Variants in DOLPP1 observed in about 807,000 individuals in gnomAD.
The protein encoded by DOLPP1 is dolichyldiphosphatase 1, also known as dolichyl pyrophosphate phosphatase 1.
A neutral mutation model predicts 34.1 loss-of-function variants in DOLPP1; 15 were observed. The ratio of observed to expected loss-of-function variants is 0.44; its 90% CI spans 0.29 to 0.68. The LOEUF is 0.68. Ranked by LOEUF, DOLPP1 falls within the 30% of genes least tolerant of loss-of-function variation. The pLI is 0.12. For synonymous variants in DOLPP1, 130 were observed against 128.2 expected (o/e 1.01, Z -0.10); for missense variants, 249 against 307.1 (o/e 0.81, Z 1.41).
intron 7 of DOLPP1, among the ~76,000 whole-genome samples, chr9:129,087,697 A>T (rs1847018969): frequency 7.1e-6 from 1 of 141,376 alleles, no homozygotes; most frequent in South Asian, 2.6e-4. Context: ...GCTGAGAGGG[A>T]CTGTGGGGCG....
At chr9:129,082,502 A>G (rs1485223503) in intron 1 of DOLPP1, among the ~76,000 whole-genome samples, 4 of 152,202 alleles carry the variant, frequency 2.6e-5, no homozygotes, top group African/African-American at 7.2e-5. Context: ...CAAAGCCTGG[A>G]GGTGGGGAAA....
Position 129,085,594 on chromosome 9 carries a change from G to A in DOLPP1, c.439G>A (p.Ala147Thr), listed in dbSNP as rs1435997115. 1 of 1,613,130 alleles carries A rather than the reference G, an allele frequency of 6.2e-7. No individual in the cohort carries two copies. Among genetic ancestry groups the A allele is most frequent in the Non-Finnish European group, 8.5e-7 (1 of 1,179,752 alleles). Reference protein sequence around the residue: ...HVLSLGLLAVAFLVSYSRVYL... With the variant: ...HVLSLGLLAVTFLVSYSRVYL... ...GCTCTCCCTGGGACTCCTCGCTGTG[G>A]CCTTCCTAGTCTCCTACAGCAGGTA... Residue 147 changes from alanine to threonine, a missense_variant, in exon 5 of 8, where the codon GCC becomes ACC. Coordinates refer to ENST00000372546, the MANE Select transcript of DOLPP1 (RefSeq NM_020438.5). The surrounding 1 kb of genome is among the most constrained non-coding windows in gnomAD (Gnocchi z 7.0).
chr9:129,081,341 G>A (rs572576154), intron 1 of DOLPP1, 134 bp downstream of exon 1: 2 of 1,157,366 alleles, frequency 1.7e-6, no homozygotes, highest in African/African-American at 1.6e-5. Context: ...GAACCACGGA[G>A]GGGCTCGGCC....
chr9:129,085,691 C>A lies in DOLPP1; in HGVS notation c.461+75C>A, dbSNP rs989315966. 8.5e-7 allele frequency: 1 copy of A among 1,173,470 alleles called. No individual in the cohort carries two copies. Among genetic ancestry groups the A allele is most frequent in the Admixed American group, 2.3e-5 (1 of 43,658 alleles). The allele number at this position is 1,173,470 out of a possible 1,614,324, so 72.7% of individuals were successfully genotyped here. ...GCTGGTTCCTGGTCCCTGTCGGACC[C>A]CACCATGGACCCTAGTCCCAGAACC... is the stretch of plus-strand genomic sequence containing the variant. On this transcript the variant is annotated intron_variant, in intron 5 of 7. Transcript: ENST00000372546. This position sits in a 1 kb window ranked among gnomAD's most constrained non-coding sequence, Gnocchi z 7.0.
chr9:129,086,749 A>C lies in DOLPP1; in HGVS notation c.631A>C (p.Ile211Leu). 6.2e-7 allele frequency: 1 copy of C among 1,613,934 alleles called. No individual in the cohort carries two copies. Among genetic ancestry groups the C allele is most frequent in the Non-Finnish European group, 8.5e-7 (1 of 1,180,018 alleles). Residue 211 changes from isoleucine (I) to leucine (L), a missense_variant, in exon 7 of 8, where the codon ATT becomes CTT. Coordinates refer to ENST00000372546, the MANE Select transcript of DOLPP1 (RefSeq NM_020438.5). ...EFFLIRDTSLIPNVLWFEYTV... is the reference protein window; with the variant it reads ...EFFLIRDTSLLPNVLWFEYTV... Reference sequence around the variant, plus strand: ...CTTCCTAATCCGAGACACAAGCCTCATTCCCAACGTACTCTGGTTTGAGTA... The same window carrying C: ...CTTCCTAATCCGAGACACAAGCCTCCTTCCCAACGTACTCTGGTTTGAGTA...
rs757477955 is a variant in DOLPP1 at position 129,086,246 on chromosome 9, T to G, written c.569T>G (p.Leu190Arg). The change falls in exon 6 of 8, where the codon CTG (leucine) becomes CGG (arginine). Residue 190 changes from leucine to arginine, a missense_variant. Physicochemically the swap from Leu to Arg is moderately radical, Grantham distance 102. Coordinates refer to ENST00000372546, the MANE Select transcript of DOLPP1 (RefSeq NM_020438.5). ...FIFTQEVLTP[L>R]FPRIAAWPVS... ...TTCACCCAGGAGGTCCTCACCCCGC[T>G]GTTCCCCAGGATAGCAGCCTGGTAA... The G allele has an allele frequency of 2.6e-5, 42 of 1,613,304 alleles. No homozygotes were observed. The highest frequency in any genetic ancestry group is 3.5e-5 in the Non-Finnish European group (41 of 1,179,940).
intron 1 of DOLPP1, 74 bp downstream of exon 1, chr9:129,081,281 G>T: frequency 1.3e-6 from 2 of 1,566,352 alleles, no homozygotes; most frequent in Non-Finnish European, 1.7e-6. Flanking sequence ...CGGCCTGCTC[G>T]AGCCCGCGGA....
Position 129,086,777 on chromosome 9 carries a change from C to G in DOLPP1, c.659C>G (p.Thr220Arg). 6.2e-7 allele frequency: 1 copy of G among 1,613,642 alleles called. No homozygotes were observed. Among genetic ancestry groups the G allele is most frequent in the Non-Finnish European group, 8.5e-7 (1 of 1,179,954 alleles). Residue 220 changes from threonine to arginine, a missense_variant, in exon 7 of 8, where the codon ACG (threonine) becomes AGG (arginine). Physicochemically the swap from Thr to Arg is moderately conservative, Grantham distance 71. Coordinates refer to ENST00000372546, the MANE Select transcript of DOLPP1 (RefSeq NM_020438.5). ...CCCAACGTACTCTGGTTTGAGTACA[C>G]GGTAACCCGGGCAGAAGCCAGGTGA... ...LIPNVLWFEYTVTRAEARNRQ... is the reference protein window; with the variant it reads ...LIPNVLWFEYRVTRAEARNRQ...
rs747044981 is a variant in DOLPP1, at chr9:129,081,159, C to G, written c.28C>G (p.Pro10Ala). 4 of 1,609,926 alleles carry G rather than the reference C, an allele frequency of 2.5e-6. No homozygotes were observed. The highest frequency in any genetic ancestry group is 2.7e-5 in the African/African-American group (2 of 74,798). ...GGCAGCGGACGGACAGTGCTCGCTCCCCGCTTCATGGCGGCCGGTGACCCT... is the reference window on the plus strand; with the variant it reads ...GGCAGCGGACGGACAGTGCTCGCTCGCCGCTTCATGGCGGCCGGTGACCCT... MAADGQCSL[P>A]ASWRPVTLTH... The change falls in exon 1 of 8, where the codon CCC (proline) becomes GCC (alanine). Residue 10 changes from proline to alanine, a missense_variant. By Grantham distance (27) the Pro-to-Ala change is conservative (BLOSUM62 -1). Coordinates refer to ENST00000372546, the MANE Select transcript of DOLPP1 (RefSeq NM_020438.5).
chr9:129,086,897 C>T, intron 7 of DOLPP1, 99 bp downstream of exon 7: 1 of 990,428 alleles, frequency 1.0e-6, no homozygotes, highest in Non-Finnish European at 1.6e-6. Flanking sequence ...TGCCTAAGCA[C>T]TTCTCTTGCA....
intron 1 of DOLPP1, among the ~76,000 whole-genome samples, chr9:129,083,669 G>A (rs1846931284): frequency 6.6e-6 from 1 of 152,202 alleles, no homozygotes; most frequent in African/African-American, 2.4e-5. Context: ...GCCCCAACAT[G>A]GAAGTGTCCT....
intron 7 of DOLPP1, among the ~76,000 whole-genome samples, chr9:129,088,388 A>G (rs1847034286): frequency 6.6e-6 from 1 of 151,992 alleles, no homozygotes; most frequent in Non-Finnish European, 1.5e-5. Context: ...ACCCTAGACA[A>G]ACCCCATTCT....
intron 1 of DOLPP1, among the ~76,000 whole-genome samples, chr9:129,082,819 T>C (rs1846914166): frequency 6.6e-6 from 1 of 152,058 alleles, no homozygotes; most frequent in Admixed American, 6.5e-5. Flanking sequence ...GGGGATAGAG[T>C]GGGATATAAA....
intron 7 of DOLPP1, 80 bp from the exon 8 acceptor site, chr9:129,088,891 G>T: frequency 2.1e-6 from 3 of 1,460,954 alleles, no homozygotes; most frequent in Non-Finnish European, 1.9e-6. Context: ...TACTTAGTTG[G>T]GACTACGGGT....
chr9:129,088,173 A>C (rs1466993086), intron 7 of DOLPP1, among the ~76,000 whole-genome samples: 2 of 3,790 alleles, frequency 5.3e-4, no homozygotes, highest in East Asian at 7.0e-3. Context: ...TGGGGAGGGT[A>C]GGGGGGTGGG....
intron 6 of DOLPP1, 147 bp from the exon 7 acceptor site, chr9:129,086,562 C>A: frequency 1.2e-6 from 1 of 860,730 alleles, no homozygotes; most frequent in Non-Finnish European, 1.9e-6. Flanking sequence ...CTGGGTCTCT[C>A]AGTGGCTCTG....
chr9:129,089,216 C>T lies in DOLPP1; in HGVS notation c.*209C>T. On this transcript the variant is annotated 3_prime_UTR_variant, in exon 8 of 8. Transcript: ENST00000372546. The surrounding 1 kb of genome is among the most constrained non-coding windows in gnomAD (Gnocchi z 4.9). The stretch of plus-strand genomic sequence containing the variant: ...ACCAGGACCCTGGGGGGCCTGCTGC[C>T]TGGGGGCCGTGGCCAGAGACCCTCG... 4.0e-6 allele frequency: 2 copies of T among 506,274 alleles called. No homozygotes were observed. Among genetic ancestry groups the T allele is most frequent in the Non-Finnish European group, 7.1e-6 (2 of 283,204 alleles). 31.4% of individuals were successfully genotyped at this position (506,274 alleles called of 1,614,324 possible). A position where few individuals can be genotyped will look rare whatever the true frequency, so the allele number is the denominator to read the frequency against.
chr9:129,085,731 G>A lies in DOLPP1; in HGVS notation c.461+115G>A, dbSNP rs1234360308. On this transcript the variant is annotated intron_variant, in intron 5 of 7. Coordinates refer to ENST00000372546, the MANE Select transcript of DOLPP1 (RefSeq NM_020438.5). This position sits in a 1 kb window ranked among gnomAD's most constrained non-coding sequence, Gnocchi z 7.0. The stretch of plus-strand genomic sequence containing the variant: ...GTCCCAGAACCTGTAGTGCAGGACT[G>A]GAAAAGGGGTCCCAGACCTCTAGTT... 1 of 796,006 alleles carries A rather than the reference G, an allele frequency of 1.3e-6. No individual in the cohort carries two copies. The highest frequency in any genetic ancestry group is 1.7e-5 in the African/African-American group (1 of 57,370). 49.3% of individuals were successfully genotyped at this position (796,006 alleles called of 1,614,324 possible).
At chr9:129,081,298 G>T in intron 1 of DOLPP1, 91 bp downstream of exon 1, 2 of 1,506,776 alleles carry the variant, frequency 1.3e-6, no homozygotes, top group Non-Finnish European at 1.8e-6. Context: ...CGGAGGGGGC[G>T]CCGGGGGACC....
Sources: gnomAD v4.1 joint callset for allele counts (sites outside exome capture counted in the v4.1 genomes callset) on GRCh38, gnomAD v4.1.1 for gene constraint, Gnocchi (gnomAD v3.1) non-coding constraint, MANE v1.5 for transcripts, NCBI Gene and HGNC (gene_info 2026-07-23, HGNC 2026-07-21) for gene names.